PCDH15: variants seen among roughly 807,000 people sequenced by gnomAD.
PCDH15 encodes the protein protocadherin related 15.
PCDH15 carries 129 observed loss-of-function variants against 178.5 expected under a neutral mutation model. The ratio of observed to expected loss-of-function variants is 0.72; its 90% CI spans 0.63 to 0.84. The LOEUF is 0.84. Ranked by LOEUF, PCDH15 falls within the 40% of genes least tolerant of loss-of-function variation. The pLI, the probability that PCDH15 is intolerant of heterozygous loss-of-function variation, is 0.00. For missense variants in PCDH15, 2,230 were observed against 2,099.9 expected (o/e 1.06, Z -1.21); for synonymous variants, 800 against 732.0 (o/e 1.09, Z -1.50).
chr10:55,239,483 T>A (rs1221384633), intron 1 of PCDH15, among the ~76,000 whole-genome samples: 2 of 152,118 alleles, frequency 1.3e-5, no homozygotes, highest in African/African-American at 2.4e-5. Context: ...CTAGCAAAAC[T>A]GGATATCCAC....
At chr10:53,816,179 A>G in intron 35 of PCDH15, 60 bp downstream of exon 35, 2 of 398,644 alleles carry the variant, frequency 5.0e-6, no homozygotes, top group Non-Finnish European at 8.9e-6. Context: ...AATTAATACA[A>G]TAGATCTTAA....
chr10:54,779,955 C>G (rs1950201828), intron 1 of PCDH15, among the ~76,000 whole-genome samples: 1 of 152,084 alleles, frequency 6.6e-6, no homozygotes, highest in Admixed American at 6.6e-5. Context: ...ACTACAGAAT[C>G]ATAATTTATA....
intron 2 of PCDH15, among the ~76,000 whole-genome samples, chr10:55,344,124 G>T (rs576393449): frequency 1.3e-5 from 2 of 152,134 alleles, no homozygotes; most frequent in South Asian, 4.1e-4. Flanking sequence ...AGAATGAGAT[G>T]AAATATATAT....
intron 2 of PCDH15, among the ~76,000 whole-genome samples, chr10:55,593,677 C>A (rs1842888068): frequency 6.6e-6 from 1 of 151,588 alleles, no homozygotes; most frequent in Non-Finnish European, 1.5e-5. Flanking sequence ...GATGACTTAT[C>A]TTATCAACCA....
intron 26 of PCDH15, among the ~76,000 whole-genome samples, chr10:53,892,020 G>GT (rs869122093): frequency 0.32 from 29,203 of 91,646 alleles, 4,786 homozygotes; most frequent in Non-Finnish European, 0.39. Context: ...TTACATCTAT[G>GT]TTTTTTTTTT....
chr10:55,134,853 G>C (rs995456046), intron 2 of PCDH15, among the ~76,000 whole-genome samples: 2 of 152,078 alleles, frequency 1.3e-5, no homozygotes, highest in African/African-American at 4.8e-5. Context: ...TTGTTGACAA[G>C]GCCACAGATA....
rs1469079295 is a variant in PCDH15 at position 53,805,691 on chromosome 10, G to GTGAC, written c.*884_*887dup. 4.6e-5 allele frequency: 7 copies of GTGAC among 151,996 alleles called. No homozygotes were observed. In the East Asian group the frequency reaches 1.3e-3, roughly 29 times the overall value. 9.4% of individuals were successfully genotyped at this position (151,996 alleles called of 1,614,324 possible). On this transcript the variant is annotated 3_prime_UTR_variant, in exon 38 of 38. Transcript: ENST00000644397. ...TGGGTTTACAAACTATTAAAGTCTA[G>GTGAC]TGACATTAATGTGAGACTTCCCTAA...
intron 2 of PCDH15, among the ~76,000 whole-genome samples, chr10:55,420,766 A>G (rs1449948990): frequency 6.6e-6 from 1 of 151,660 alleles, no homozygotes; most frequent in African/African-American, 2.4e-5. Flanking sequence ...TGTGAAAAAT[A>G]TTACACCAAA....
chr10:54,183,154 T>A (rs563267428), intron 13 of PCDH15, among the ~76,000 whole-genome samples: 80 of 152,276 alleles, frequency 5.3e-4, no homozygotes, highest in African/African-American at 1.8e-3. Flanking sequence ...GCTAATTTTG[T>A]ATTTTTAGTA....
chr10:54,834,861 C>G (rs925846693), intron 3 of PCDH15, among the ~76,000 whole-genome samples: 1 of 152,158 alleles, frequency 6.6e-6, no homozygotes, highest in Non-Finnish European at 1.5e-5. Flanking sequence ...TGCCTTTCTA[C>G]CCTAGCATGC....
At chr10:54,374,148 C>A (rs144135694) in intron 4 of PCDH15, among the ~76,000 whole-genome samples, 2 of 152,076 alleles carry the variant, frequency 1.3e-5, no homozygotes, top group African/African-American at 4.8e-5. Context: ...TGGTAGACAA[C>A]AATTAGTTTA....
chr10:55,311,433 A>G (rs1258351514), intron 1 of PCDH15, among the ~76,000 whole-genome samples: 1 of 152,188 alleles, frequency 6.6e-6, no homozygotes, highest in Non-Finnish European at 1.5e-5. Context: ...TACAGTGATT[A>G]CATCTTAGTT....
intron 1 of PCDH15, among the ~76,000 whole-genome samples, chr10:55,226,406 G>A (rs952816740): frequency 2.6e-5 from 4 of 151,140 alleles, no homozygotes; most frequent in Admixed American, 2.0e-4. Flanking sequence ...GCCTCACCCT[G>A]GAGTGCAGTG....
intron 2 of PCDH15, among the ~76,000 whole-genome samples, chr10:55,130,759 G>A (rs1484366073): frequency 6.7e-6 from 1 of 150,354 alleles, no homozygotes; most frequent in Non-Finnish European, 1.5e-5. Flanking sequence ...GCACTTCTAA[G>A]GAGGAAAAAT....
chr10:54,333,989 C>T (rs985164171), intron 6 of PCDH15, among the ~76,000 whole-genome samples: 9 of 152,320 alleles, frequency 5.9e-5, no homozygotes, highest in Admixed American at 2.6e-4. Context: ...AAAGCCAGGA[C>T]ATTGCCCCCT....
At chr10:54,538,671 C>A (rs1240058050) in intron 2 of PCDH15, among the ~76,000 whole-genome samples, 1 of 152,024 alleles carries the variant, frequency 6.6e-6, no homozygotes. Context: ...GTAGGATTTG[C>A]CCTTGCTGTT....
At chr10:53,981,795 C>A (rs1291064183) in intron 21 of PCDH15, among the ~76,000 whole-genome samples, 1 of 151,532 alleles carries the variant, frequency 6.6e-6, no homozygotes, top group Non-Finnish European at 1.5e-5. Flanking sequence ...AAAGCAATGG[C>A]AACAAAAGGC....
intron 1 of PCDH15, among the ~76,000 whole-genome samples, chr10:54,677,957 AATTCTCACACTTTAGAG>A (rs1480652625): frequency 6.6e-6 from 1 of 152,174 alleles, no homozygotes; most frequent in Non-Finnish European, 1.5e-5. Flanking sequence ...AATCTTTGAA[AATTCTCACACTTTAGAG>A]TATCTTCCTG....
chr10:54,731,567 C>G (rs866040036), intron 1 of PCDH15, among the ~76,000 whole-genome samples: 3 of 39,632 alleles, frequency 7.6e-5, no homozygotes, highest in African/African-American at 2.4e-4. Flanking sequence ...TATATATACA[C>G]ACACACACAC....
Sources: allele counts gnomAD v4.1 joint callset (sites outside exome capture counted in the v4.1 genomes callset), GRCh38; gene constraint gnomAD v4.1.1; transcripts MANE v1.5; gene names NCBI Gene and HGNC (gene_info 2026-07-23, HGNC 2026-07-21).